Variants in EFL1 observed in about 807,000 individuals in gnomAD.
The protein encoded by EFL1 is elongation factor-like GTPase 1.
Under a neutral mutation model 126.7 loss-of-function variants are expected in EFL1, and 76 were observed. That is an observed-to-expected ratio of 0.60 (90% CI 0.50 to 0.73). EFL1 has a LOEUF of 0.73. Ranked by LOEUF, EFL1 falls within the 30% of genes least tolerant of loss-of-function variation. The pLI is 0.00. For synonymous variants in EFL1, 410 were observed against 448.4 expected (o/e 0.91, Z 1.08); for missense variants, 1,128 against 1,343.2 (o/e 0.84, Z 2.50).
intron 7 of EFL1, chr15:82,233,515 A>G (rs532592044): frequency 9.9e-5 from 15 of 152,260 alleles, no homozygotes; most frequent in Non-Finnish European, 1.6e-4. Context: ...GATTAATGTT[A>G]ATTACAGAAT....
chr15:82,192,708 CT>C (rs1180800546), intron 15 of EFL1, among the ~76,000 whole-genome samples: 1 of 152,126 alleles, frequency 6.6e-6, no homozygotes, highest in Non-Finnish European at 1.5e-5. Flanking sequence ...AAAAGAGAAT[CT>C]GAGAAATTGC....
intron 5 of EFL1, 81 bp downstream of exon 5, chr15:82,241,189 A>G: frequency 1.3e-6 from 2 of 1,510,762 alleles, no homozygotes; most frequent in Non-Finnish European, 1.8e-6. Context: ...TGTGATTGTC[A>G]GTGAAATGCC....
chr15:82,244,626 A>C (rs954844245), intron 4 of EFL1, among the ~76,000 whole-genome samples: 7 of 152,174 alleles, frequency 4.6e-5, no homozygotes, highest in African/African-American at 1.4e-4. Flanking sequence ...GCTGAAAAAA[A>C]AGTTGGAAGA....
At chr15:82,241,174 A>G (rs956841074) in intron 5 of EFL1, 96 bp downstream of exon 5, 29 of 1,419,896 alleles carry the variant, frequency 2.0e-5, no homozygotes, top group Non-Finnish European at 2.1e-5. Context: ...ATATAAAACC[A>G]ATGTTGTGAT....
intron 15 of EFL1, among the ~76,000 whole-genome samples, chr15:82,203,383 T>C (rs2074491071): frequency 6.6e-6 from 1 of 152,254 alleles, no homozygotes; most frequent in Non-Finnish European, 1.5e-5. Flanking sequence ...TTTTGGGTTT[T>C]TTTGAGACGG....
At chr15:82,191,135 C>T (rs1398383521) in intron 15 of EFL1, among the ~76,000 whole-genome samples, 2 of 151,928 alleles carry the variant, frequency 1.3e-5, no homozygotes, top group African/African-American at 4.8e-5. Flanking sequence ...ATCTTTTCTC[C>T]TTGGCTACTT....
intron 1 of EFL1, chr15:82,262,132 C>A: frequency 5.3e-6 from 1 of 189,612 alleles, no homozygotes; most frequent in Non-Finnish European, 1.1e-5. Context: ...CCAATGACCA[C>A]GTACAGGAAG....
intron 15 of EFL1, among the ~76,000 whole-genome samples, chr15:82,206,334 G>A (rs113465285): frequency 3.5e-4 from 53 of 152,108 alleles, no homozygotes; most frequent in African/African-American, 1.2e-3. Context: ...GGTTATTTAA[G>A]GGCAGAAGGA....
chr15:82,249,473 C>G (rs529072380), intron 4 of EFL1, among the ~76,000 whole-genome samples: 9 of 152,052 alleles, frequency 5.9e-5, no homozygotes, highest in Admixed American at 3.9e-4. Context: ...AATGGCTATA[C>G]AGTAGAAACG....
At chr15:82,247,000 GT>G (rs1466704445) in intron 4 of EFL1, among the ~76,000 whole-genome samples, 2 of 152,124 alleles carry the variant, frequency 1.3e-5, no homozygotes, top group African/African-American at 4.8e-5. Context: ...TTAAAGTTTT[GT>G]TGGGAAAAAT....
At chr15:82,245,735 C>G (rs2074966508) in intron 4 of EFL1, among the ~76,000 whole-genome samples, 1 of 151,824 alleles carries the variant, frequency 6.6e-6, no homozygotes. Context: ...GAGCCAAGAC[C>G]AGCCTGGACA....
At chr15:82,179,531 A>G (rs116211140) in intron 15 of EFL1, among the ~76,000 whole-genome samples, 1,674 of 152,178 alleles carry the variant, frequency 0.011, 32 homozygotes, top group African/African-American at 0.038. Flanking sequence ...TTCTGGAGAG[A>G]GCCCAGTTTT....
At chr15:82,171,834 T>G (rs1475981653) in intron 15 of EFL1, among the ~76,000 whole-genome samples, 1 of 152,012 alleles carries the variant, frequency 6.6e-6, no homozygotes, top group Admixed American at 6.6e-5. Context: ...GTAACAAATC[T>G]GCACACATAC....
chr15:82,221,109 C>G (rs1412252328), intron 12 of EFL1, among the ~76,000 whole-genome samples: 1 of 152,168 alleles, frequency 6.6e-6, no homozygotes, highest in African/African-American at 2.4e-5. Context: ...AAGTGAACAT[C>G]AAAGCACTCA....
chr15:82,179,547 C>T (rs1435652143), intron 15 of EFL1, among the ~76,000 whole-genome samples: 2 of 152,156 alleles, frequency 1.3e-5, no homozygotes, highest in Non-Finnish European at 2.9e-5. Context: ...GTTTTCCTGA[C>T]TTCTAGACCA....
intron 18 of EFL1, among the ~76,000 whole-genome samples, chr15:82,140,543 C>T (rs1387878412): frequency 6.6e-6 from 1 of 152,108 alleles, no homozygotes; most frequent in Non-Finnish European, 1.5e-5. Context: ...CTCCACTCAG[C>T]GAGACAACTA....
At chr15:82,158,819 A>C (rs950534405) in intron 16 of EFL1, among the ~76,000 whole-genome samples, 1 of 152,252 alleles carries the variant, frequency 6.6e-6, no homozygotes, top group Non-Finnish European at 1.5e-5. Context: ...AGCACTAACA[A>C]TGTGCCAGAC....
chr15:82,232,645 G>A (rs1016054597), intron 7 of EFL1, among the ~76,000 whole-genome samples: 10 of 152,216 alleles, frequency 6.6e-5, no homozygotes, highest in African/African-American at 2.4e-4. Context: ...CTATTTTATT[G>A]TTAATATTGC....
At chr15:82,190,439 T>C (rs1166490027) in intron 15 of EFL1, among the ~76,000 whole-genome samples, 3 of 152,236 alleles carry the variant, frequency 2.0e-5, no homozygotes, top group African/African-American at 7.2e-5. Flanking sequence ...AATTGGTCTT[T>C]ACTTTTGAAT....
Sources: gnomAD v4.1 joint callset for allele counts (sites outside exome capture counted in the v4.1 genomes callset) on GRCh38, gnomAD v4.1.1 for gene constraint, MANE v1.5 for transcripts, NCBI Gene and HGNC (gene_info 2026-07-23, HGNC 2026-07-21) for gene names.